Variants in RAB28 observed in about 807,000 individuals in gnomAD.
The protein encoded by RAB28 is RAB28, member RAS oncogene family.
A neutral mutation model predicts 31.7 loss-of-function variants in RAB28; 24 were observed. The ratio of observed to expected loss-of-function variants is 0.76; its 90% confidence interval spans 0.55 to 1.06. The LOEUF (loss-of-function observed/expected upper bound fraction) is 1.06. Among genes scored for constraint, RAB28 ranks in the 50% least tolerant of loss-of-function variants. The pLI is 0.00. For missense variants in RAB28, 254 were observed against 258.5 expected (o/e 0.98, Z 0.12); for synonymous variants, 100 against 90.4 (o/e 1.11, Z -0.60).
At chr4:13,429,804 G>A (rs1262616065) in intron 4 of RAB28, among the ~76,000 whole-genome samples, 3 of 152,174 alleles carry the variant, frequency 2.0e-5, no homozygotes, top group African/African-American at 4.8e-5. Flanking sequence ...GGAAATGTAA[G>A]GGACACAGAA....
Position 13,391,040 on chromosome 4 carries a change from A to C in RAB28, c.392-9446T>G, listed in dbSNP as rs971590989. Among the ~76,000 whole-genome samples the C allele has an allele frequency of 3.3e-5, 5 of 152,092 alleles. No homozygotes were observed. In the South Asian group the frequency reaches 6.2e-4, roughly 19 times the overall value. On this transcript the variant is annotated intron_variant, in intron 4 of 6. Coordinates refer to ENST00000330852, the MANE Select transcript of RAB28 (RefSeq NM_001017979.3). ...ACACCAAAAGCAATGGCAACAAAAG[A>C]CAAAATTGACAAATGGGATCTAATT...
rs575817617 is a variant in RAB28, at chr4:13,375,116, C to T, written c.573+1429G>A. Among the ~76,000 whole-genome samples the T allele has an allele frequency of 4.6e-5, 7 of 152,204 alleles. No homozygotes were observed. In the South Asian group the frequency reaches 1.2e-3, roughly 27 times the overall value. ...TATGGCAGAGTGGAAATACCAAGGG[C>T]ATTGGTGTCAGAGAGACCTGGGTGC... On this transcript the variant is annotated intron_variant, in intron 6 of 6. Coordinates refer to ENST00000330852, the MANE Select transcript of RAB28 (RefSeq NM_001017979.3).
At chr4:13,468,213 T>G (rs80232225) in intron 3 of RAB28, among the ~76,000 whole-genome samples, 1 of 152,000 alleles carries the variant, frequency 6.6e-6, no homozygotes, top group East Asian at 1.9e-4. Context: ...AAGGGTACAG[T>G]TGATCTGAAC....
chr4:13,371,128 T>C, intron 6 of RAB28: 1 of 985,214 alleles, frequency 1.0e-6, no homozygotes, highest in South Asian at 4.7e-5. Flanking sequence ...CAATCGAGAG[T>C]AAATGAATAG....
intron 1 of RAB28, 28 bp downstream of exon 1, chr4:13,484,048 G>T: frequency 6.4e-7 from 1 of 1,571,246 alleles, no homozygotes; most frequent in Non-Finnish European, 8.6e-7. Context: ...CTGCAGGCCT[G>T]GGACGGCGGG....
chr4:13,414,791 T>C (rs1712651664), intron 4 of RAB28, among the ~76,000 whole-genome samples: 1 of 152,240 alleles, frequency 6.6e-6, no homozygotes, highest in Non-Finnish European at 1.5e-5. Flanking sequence ...TTAGATCTTT[T>C]TATGTAATCC....
chr4:13,444,863 T>G (rs1714615726), intron 4 of RAB28, among the ~76,000 whole-genome samples: 2 of 152,138 alleles, frequency 1.3e-5, no homozygotes, highest in African/African-American at 4.8e-5. Context: ...TGCCTTAGGG[T>G]TGATCTTCTT....
chr4:13,474,106 C>G (rs1716240688), intron 3 of RAB28: 1 of 705,530 alleles, frequency 1.4e-6, no homozygotes, highest in African/African-American at 1.7e-5. Context: ...GAAAGCTGTT[C>G]AGAGTTTTCC....
At chr4:13,463,886 A>T (rs1715715729) in intron 3 of RAB28, among the ~76,000 whole-genome samples, 1 of 152,024 alleles carries the variant, frequency 6.6e-6, no homozygotes, top group Non-Finnish European at 1.5e-5. Context: ...CAGCTCTGAC[A>T]TGTAAAAAAA....
chr4:13,440,243 G>C (rs544348037), intron 4 of RAB28, among the ~76,000 whole-genome samples: 2 of 151,860 alleles, frequency 1.3e-5, no homozygotes, highest in Non-Finnish European at 2.9e-5. Context: ...CATGATACAA[G>C]TCATTAGAAA....
chr4:13,432,126 C>G (rs11736352), intron 4 of RAB28, among the ~76,000 whole-genome samples: 8,509 of 152,040 alleles, frequency 0.056, 545 homozygotes, highest in African/African-American at 0.16. Flanking sequence ...GAAAATTTAA[C>G]TACAGGATTT....
At chr4:13,482,708 T>A (rs932133839) in intron 1 of RAB28, among the ~76,000 whole-genome samples, 1 of 152,134 alleles carries the variant, frequency 6.6e-6, no homozygotes, top group African/African-American at 2.4e-5. Context: ...CCCCAACGTT[T>A]AAAGGTAATC....
At chr4:13,370,291 A>G in intron 6 of RAB28, 1 of 963,908 alleles carries the variant, frequency 1.0e-6, no homozygotes, top group South Asian at 4.8e-5. Flanking sequence ...TATAACATAT[A>G]TAATGCCCAG....
At chr4:13,451,863 T>C (rs1464621366) in intron 4 of RAB28, among the ~76,000 whole-genome samples, 1 of 152,010 alleles carries the variant, frequency 6.6e-6, no homozygotes, top group African/African-American at 2.4e-5. Flanking sequence ...CCCCACTGAG[T>C]GTTCTTGAAC....
At position 13,407,509 on chromosome 4, in the gene RAB28, T is replaced by A. The variant is rs181628349; in HGVS notation, c.392-25915A>T. On this transcript the variant is annotated intron_variant, in intron 4 of 6. Coordinates refer to ENST00000330852, the MANE Select transcript of RAB28 (RefSeq NM_001017979.3). ...ATATGGGCTCTTTTTTGGTTCTGTA[T>A]GAACTTTAAAGTAGTTTTTTTCTAA... is the stretch of plus-strand genomic sequence containing the variant. Among the ~76,000 whole-genome samples, 452 of 152,360 alleles carry A rather than the reference T, an allele frequency of 3.0e-3. 7 individuals carry two copies. The highest frequency in any genetic ancestry group is 0.027 in the Admixed American group (411 of 15,294).
intron 4 of RAB28, among the ~76,000 whole-genome samples, chr4:13,430,447 C>G (rs1447320129): frequency 2.0e-5 from 3 of 152,178 alleles, no homozygotes; most frequent in Non-Finnish European, 4.4e-5. Context: ...TGCTTCTCCA[C>G]TCCCCTCACC....
intron 4 of RAB28, among the ~76,000 whole-genome samples, chr4:13,403,467 T>C (rs531347699): frequency 6.6e-6 from 1 of 152,354 alleles, no homozygotes; most frequent in Non-Finnish European, 1.5e-5. Context: ...CCTTGCACTC[T>C]GTTCCACTTG....
chr4:13,457,140 T>C (rs918680412), intron 4 of RAB28, among the ~76,000 whole-genome samples: 1 of 152,164 alleles, frequency 6.6e-6, no homozygotes, highest in African/African-American at 2.4e-5. Flanking sequence ...TAAAACCACA[T>C]TTAGGAAGAA....
chr4:13,412,275 G>C (rs1208448697), intron 4 of RAB28, among the ~76,000 whole-genome samples: 1 of 151,906 alleles, frequency 6.6e-6, no homozygotes, highest in African/African-American at 2.4e-5. Flanking sequence ...TGGCGCAAGA[G>C]TTTCCCTAGA....
Sources: allele counts gnomAD v4.1 joint callset (sites outside exome capture counted in the v4.1 genomes callset), GRCh38; gene constraint gnomAD v4.1.1; transcripts MANE v1.5; gene names NCBI Gene and HGNC (gene_info 2026-07-23, HGNC 2026-07-21).